Variants in SGCG observed in about 807,000 individuals in gnomAD.
SGCG encodes sarcoglycan gamma.
In SGCG, 26 loss-of-function variants were observed where a neutral mutation model predicts 29.3. The observed-to-expected ratio is 0.89, with a 90% CI of 0.65 to 1.23. SGCG has a LOEUF of 1.23. Among genes scored for constraint, SGCG ranks in the 50% most tolerant of loss-of-function variants. SGCG has a pLI of 0.00. For synonymous variants in SGCG, 145 were observed against 129.7 expected (o/e 1.12, Z -0.80); for missense variants, 353 against 356.0 (o/e 0.99, Z 0.07).
intron 6 of SGCG, among the ~76,000 whole-genome samples, chr13:23,314,381 G>GA (rs1593108114): frequency 3.9e-5 from 2 of 50,738 alleles, no homozygotes; most frequent in South Asian, 7.9e-4. Flanking sequence ...TCTGCTATAG[G>GA]TTATATATAT....
At chr13:23,164,277 T>A in the SGCG span, among the ~76,000 whole-genome samples, 5 of 152,232 alleles carry the variant, frequency 3.3e-5, no homozygotes, top group Admixed American at 2.0e-4. Context: ...GTACATGTAA[T>A]ATCATTGTAC....
intron 4 of SGCG, among the ~76,000 whole-genome samples, chr13:23,276,982 T>TA (rs1349246688): frequency 6.6e-6 from 1 of 152,230 alleles, no homozygotes; most frequent in East Asian, 1.9e-4. Context: ...ACCTTGTACA[T>TA]AAAAAGCATG....
Position 23,324,632 on chromosome 13 carries a change from C to A in SGCG, c.*91C>A. On this transcript the variant is annotated 3_prime_UTR_variant, in exon 8 of 8. Coordinates refer to ENST00000218867, the MANE Select transcript of SGCG (RefSeq NM_000231.3). ...TGCACATCGTGAAAGACTGAGGCAG[C>A]GTGGATGGGAAGTAAACGCTTCCAG... 8.5e-7 allele frequency: 1 copy of A among 1,182,188 alleles called. No individual in the cohort carries two copies. Among genetic ancestry groups the A allele is most frequent in the Non-Finnish European group, 1.2e-6 (1 of 810,732 alleles). The allele number at this position is 1,182,188 out of a possible 1,614,324, so 73.2% of individuals were successfully genotyped here. A position where few individuals can be genotyped will look rare whatever the true frequency, so the allele number is the denominator to read the frequency against.
At chr13:23,237,394 A>G (rs1053008862) in intron 3 of SGCG, among the ~76,000 whole-genome samples, 9 of 152,230 alleles carry the variant, frequency 5.9e-5, no homozygotes, top group African/African-American at 2.2e-4. Flanking sequence ...CCTGAAAAGA[A>G]GCTTTAGCTT....
chr13:23,232,718 C>G (rs1393617370), intron 2 of SGCG, among the ~76,000 whole-genome samples: 10 of 151,942 alleles, frequency 6.6e-5, no homozygotes, highest in Admixed American at 6.6e-4. Flanking sequence ...GGAGGCGGAG[C>G]TTGCAGTGAG....
intron 4 of SGCG, among the ~76,000 whole-genome samples, chr13:23,265,708 A>G (rs896442508): frequency 3.7e-4 from 56 of 152,364 alleles, no homozygotes; most frequent in Middle Eastern, 6.8e-3. Context: ...GCAAATTAAG[A>G]CCACAATGAG....
chr13:23,295,396 A>G lies in SGCG; in HGVS notation c.506-19A>G, dbSNP rs777640870. On this transcript the variant is annotated intron_variant, in intron 5 of 7. Coordinates refer to ENST00000218867, the MANE Select transcript of SGCG (RefSeq NM_000231.3). ...CTTATTTTACTTCTGCTCCTGATAC[A>G]TCTTTGTTTTTTGTTTAGGGCCTGA... 5.0e-6 allele frequency: 8 copies of G among 1,592,252 alleles called. No individual in the cohort carries two copies. The highest frequency in any genetic ancestry group is 1.7e-5 in the Admixed American group (1 of 59,964).
chr13:23,206,861 A>C (rs1414375037), intron 2 of SGCG, among the ~76,000 whole-genome samples: 1 of 152,234 alleles, frequency 6.6e-6, no homozygotes, highest in Non-Finnish European at 1.5e-5. Context: ...CAATTGCAAG[A>C]CTTAGTATTA....
In SGCG at chr13:23,320,644, TC is replaced by T; in HGVS notation, c.591del (p.Thr198LeufsTer4). The part of the protein sequence containing the change: ...ADPFQDLRLE[S>X]PTRSLSMDAP... ...TTCTTTTCCTCATCTCAGATTAGAA[TC>T]CCCCACTCGGAGTCTAAGCATGGAT... On this transcript the variant is annotated frameshift_variant, in exon 7 of 8. Coordinates refer to ENST00000218867, the MANE Select transcript of SGCG (RefSeq NM_000231.3). LOFTEE classifies it high-confidence loss of function. The T allele has an allele frequency of 7.0e-7, 1 of 1,422,748 alleles. No homozygotes were observed. The highest frequency in any genetic ancestry group is 9.7e-7 in the Non-Finnish European group (1 of 1,034,534). The allele number at this position is 1,422,748 out of a possible 1,614,324, so 88.1% of individuals were successfully genotyped here.
chr13:23,186,556 T>C (rs1046788385), intron 1 of SGCG, among the ~76,000 whole-genome samples: 7 of 152,120 alleles, frequency 4.6e-5, no homozygotes, highest in Non-Finnish European at 7.4e-5. Flanking sequence ...ACGCTCACCA[T>C]TGGTTTCCAG....
At chr13:23,222,191 A>G (rs966852062) in intron 2 of SGCG, among the ~76,000 whole-genome samples, 1 of 152,174 alleles carries the variant, frequency 6.6e-6, no homozygotes, top group Non-Finnish European at 1.5e-5. Context: ...AGTATGCTAT[A>G]TATTCAGAAT....
chr13:23,211,161 G>T (rs1411925134), intron 2 of SGCG, among the ~76,000 whole-genome samples: 1 of 152,146 alleles, frequency 6.6e-6, no homozygotes, highest in Admixed American at 6.5e-5. Context: ...GAAAATTGCC[G>T]ATGCCTGCTG....
chr13:23,219,827 C>CTTTTTTTTTTT (rs1184090222), intron 2 of SGCG, among the ~76,000 whole-genome samples: 10 of 99,200 alleles, frequency 1.0e-4, no homozygotes, highest in Non-Finnish European at 1.6e-4. Context: ...ATTTCTTTTC[C>CTTTTTTTTTTT]TTTTTTTTTT....
chr13:23,279,537 A>G lies in SGCG; in HGVS notation c.505+59A>G, dbSNP rs1053698492. The G allele has an allele frequency of 4.1e-5, 63 of 1,528,760 alleles. 1 individual carries two copies. In the East Asian group the frequency reaches 1.4e-3, roughly 33 times the overall value. The allele number at this position is 1,528,760 out of a possible 1,614,324, so 94.7% of individuals were successfully genotyped here. A position where few individuals can be genotyped will look rare whatever the true frequency, so the allele number is the denominator to read the frequency against. On this transcript the variant is annotated intron_variant, in intron 5 of 7. Transcript: ENST00000218867. ...ATGGAGTACACATCTGCAAAAACAC[A>G]TTGTACTATTGACAAGTTTATGTGG... is the stretch of plus-strand genomic sequence containing the variant.
At chr13:23,277,311 A>G (rs925812967) in intron 4 of SGCG, among the ~76,000 whole-genome samples, 17 of 152,168 alleles carry the variant, frequency 1.1e-4, no homozygotes, top group African/African-American at 4.1e-4. Flanking sequence ...TTTATATAAT[A>G]AATACATAGG....
intron 3 of SGCG, among the ~76,000 whole-genome samples, chr13:23,235,513 TA>T (rs1879276734): frequency 6.6e-6 from 1 of 152,226 alleles, no homozygotes; most frequent in Non-Finnish European, 1.5e-5. Flanking sequence ...ACTTTAAAAG[TA>T]AATCAAGGTT....
intron 1 of SGCG, among the ~76,000 whole-genome samples, chr13:23,190,175 T>C (rs1354775568): frequency 6.6e-6 from 1 of 152,164 alleles, no homozygotes; most frequent in Non-Finnish European, 1.5e-5. Flanking sequence ...ACATGAACAT[T>C]ATAGATCAAT....
intron 6 of SGCG, among the ~76,000 whole-genome samples, chr13:23,319,095 C>T (rs547905714): frequency 3.5e-4 from 53 of 152,284 alleles, no homozygotes; most frequent in Non-Finnish European, 6.5e-4. Context: ...GTCAGGAGTT[C>T]GAGACCAGCC....
At chr13:23,228,661 T>C (rs574219466) in intron 2 of SGCG, among the ~76,000 whole-genome samples, 16 of 152,098 alleles carry the variant, frequency 1.1e-4, no homozygotes, top group Non-Finnish European at 2.1e-4. Flanking sequence ...GTTGTTCCCC[T>C]CTATGTTTCC....
Sources: gnomAD v4.1 joint callset for allele counts (sites outside exome capture counted in the v4.1 genomes callset) on GRCh38, gnomAD v4.1.1 for gene constraint, MANE v1.5 for transcripts, NCBI Gene and HGNC (gene_info 2026-07-23, HGNC 2026-07-21) for gene names.